Variants in C2orf15 observed in about 807,000 individuals in gnomAD.
The protein encoded by C2orf15 is chromosome 2 open reading frame 15.
C2orf15 carries 3 observed loss-of-function variants against 4.4 expected under a neutral mutation model. That is an observed-to-expected ratio of 0.67 (90% CI 0.31 to 1.74). C2orf15 has a LOEUF of 1.74. Ranked by LOEUF, C2orf15 falls within the 40% of genes most tolerant of loss-of-function variation. The probability of loss-of-function intolerance (pLI) is 0.09; values close to 1 mark genes in which losing one functional copy is unlikely to be tolerated. For synonymous variants in C2orf15, 37 were observed against 36.8 expected, an observed-to-expected ratio of 1.00 and a Z score of -0.02; for missense variants, 90 against 103.3, an observed-to-expected ratio of 0.87 and a Z score of 0.56.
Position 99,150,689 on chromosome 2 carries a change from C to T in C2orf15, c.131C>T (p.Thr44Ile). 1 of 1,613,864 alleles carries T rather than the reference C, an allele frequency of 6.2e-7. No homozygotes were observed. Among genetic ancestry groups the T allele is most frequent in the Non-Finnish European group, 8.5e-7 (1 of 1,179,940 alleles). ...CCAGCGACTCAGTTATTTCAAAACA[C>T]CAAGAAAATAAGATTAGAAGACACA... Reference protein sequence around the residue: ...LEPATQLFQNTKKIRLEDTNQ... With the variant: ...LEPATQLFQNIKKIRLEDTNQ... The change falls in exon 4 of 4, where the codon ACC becomes ATC. Residue 44 changes from threonine to isoleucine, a missense_variant. Physicochemically the swap from Thr to Ile is moderately conservative, Grantham distance 89 (BLOSUM62 -1). Transcript: ENST00000650052.
chr2:99,143,507 T>C (rs1298203276), intron 2 of C2orf15, among the ~76,000 whole-genome samples: 1 of 148,636 alleles, frequency 6.7e-6, no homozygotes, highest in Non-Finnish European at 1.5e-5. Context: ...TCTGTTGCCC[T>C]GTACCCAGGC....
rs35395900 is a variant in C2orf15 at position 99,149,442 on chromosome 2, C to CTT, written c.-76-1024_-76-1023dup. On this transcript the variant is annotated intron_variant, in intron 3 of 3. Coordinates refer to ENST00000650052, the MANE Select transcript of C2orf15 (RefSeq NM_144706.4). ...GCCTCCCTCCATGCTACATGATCAT[C>CTT]TTTTTTTTTTTTTTTTTTAAGACGG... Among the ~76,000 whole-genome samples the CTT allele has an allele frequency of 1.7e-3, 224 of 132,790 alleles. 2 individuals carry two copies. Among genetic ancestry groups the CTT allele is most frequent in the Middle Eastern group, 8.3e-3 (2 of 242 alleles). The allele number at this position is 132,790 out of a possible 152,430, so 87.1% of individuals were successfully genotyped here. A position where few individuals can be genotyped will look rare whatever the true frequency, so the allele number is the denominator to read the frequency against.
chr2:99,150,511 C>T lies in C2orf15; in HGVS notation c.-48C>T, dbSNP rs1574778359. The T allele has an allele frequency of 1.3e-6, 2 of 1,572,286 alleles. No homozygotes were observed. Among genetic ancestry groups the T allele is most frequent in the Non-Finnish European group, 1.7e-6 (2 of 1,160,072 alleles). On this transcript the variant is annotated 5_prime_UTR_variant, in exon 4 of 4. Coordinates refer to ENST00000650052, the MANE Select transcript of C2orf15 (RefSeq NM_144706.4). ...TCAAGTTGAAGAAACACTTCCACTA[C>T]TTAAAAAGGTACCTGCAAATTACTT...
rs977390258 is a variant in C2orf15, at chr2:99,142,409, C to T, written c.-169+8C>T. On this transcript the variant is annotated splice_region_variant and intron_variant, in intron 2 of 3. Coordinates refer to ENST00000650052, the MANE Select transcript of C2orf15 (RefSeq NM_144706.4). ...AATTCCTGTTTTCGCCAGGTGAGTA[C>T]TCATTTTTCCCCCCACAAGATATCA... 5 of 152,292 alleles carry T rather than the reference C, an allele frequency of 3.3e-5. No individual in the cohort carries two copies. In the East Asian group the frequency reaches 5.8e-4, roughly 18 times the overall value. The allele number at this position is 152,292 out of a possible 1,614,324, so 9.4% of individuals were successfully genotyped here.
In C2orf15 at chr2:99,147,498, G is replaced by T. The variant is rs746304487; in HGVS notation, c.-77+5G>T. 1 of 1,613,772 alleles carries T rather than the reference G, an allele frequency of 6.2e-7. No individual in the cohort carries two copies. The highest frequency in any genetic ancestry group is 8.5e-7 in the Non-Finnish European group (1 of 1,179,714). ...CTCAACTCTGGGGAAGTTAAGGTAA[G>T]ACTCACAGGGCCAAGTCTACCCTAT... On this transcript the variant is annotated splice_donor_5th_base_variant and intron_variant, in intron 3 of 3. Transcript: ENST00000650052.
intron 2 of C2orf15, among the ~76,000 whole-genome samples, chr2:99,145,113 A>G (rs574111358): frequency 6.6e-6 from 1 of 152,162 alleles, no homozygotes; most frequent in African/African-American, 2.4e-5. Context: ...GCTCTAGGGG[A>G]AAATCCCCTT....
At chr2:99,142,653 G>A (rs2093581747) in intron 2 of C2orf15, among the ~76,000 whole-genome samples, 1 of 152,096 alleles carries the variant, frequency 6.6e-6, no homozygotes, top group South Asian at 2.1e-4. Context: ...GAGGACACAA[G>A]GAGCACATAT....
Position 99,150,478 on chromosome 2 carries a change from T to C in C2orf15, c.-76-5T>C, listed in dbSNP as rs79594465. On this transcript the variant is annotated splice_region_variant and splice_polypyrimidine_tract_variant and intron_variant, in intron 3 of 3. Transcript: ENST00000650052. ...TTCACTTGTTACTTTTTTTTTTTTT[T>C]TCAGTAATCAAGTTGAAGAAACACT... 31 of 1,484,374 alleles carry C rather than the reference T, an allele frequency of 2.1e-5. 1 individual carries two copies. The African/African-American group carries it at 2.8e-4, about 14-fold the overall frequency. 92.0% of individuals were successfully genotyped at this position (1,484,374 alleles called of 1,614,324 possible).
intron 2 of C2orf15, 188 bp from the exon 3 acceptor site, chr2:99,147,214 T>C (rs1363162731): frequency 9.2e-6 from 4 of 432,532 alleles, no homozygotes; most frequent in African/African-American, 2.0e-5. Flanking sequence ...TTGCCCAGGC[T>C]GGTCTCAAAC....
chr2:99,146,427 TTATC>T lies in C2orf15; in HGVS notation c.-168-969_-168-966del, dbSNP rs1392650408. Among the ~76,000 whole-genome samples the T allele has an allele frequency of 3.3e-5, 5 of 152,322 alleles. No homozygotes were observed. In the East Asian group the frequency reaches 9.6e-4, roughly 29 times the overall value. ...ACAGAAAATATCTCCTTCCAGTCTC[TTATC>T]TATCTTTTTGTTTATATTTTTTTCA... On this transcript the variant is annotated intron_variant, in intron 2 of 3. Coordinates refer to ENST00000650052, the MANE Select transcript of C2orf15 (RefSeq NM_144706.4).
intron 3 of C2orf15, among the ~76,000 whole-genome samples, chr2:99,149,823 G>A (rs1199356229): frequency 8.3e-6 from 1 of 119,908 alleles, no homozygotes; most frequent in Non-Finnish European, 1.6e-5. Flanking sequence ...ACAGAGTCTC[G>A]CTCTTGTCGC....
intron 3 of C2orf15, among the ~76,000 whole-genome samples, chr2:99,149,169 CAA>C (rs35343264): frequency 4.9e-5 from 6 of 123,200 alleles, no homozygotes; most frequent in Non-Finnish European, 3.3e-5. Context: ...AACTCCATCT[CAA>C]AAAAAAAAAA....
intron 2 of C2orf15, among the ~76,000 whole-genome samples, chr2:99,144,230 C>T (rs1333191355): frequency 6.6e-6 from 1 of 151,860 alleles, no homozygotes; most frequent in Non-Finnish European, 1.5e-5. Flanking sequence ...ACTGTGTTAG[C>T]CAGGATGATC....
In C2orf15 at chr2:99,150,669, G is replaced by A. The variant is rs778098003; in HGVS notation, c.111G>A (p.Ala37=). 9.9e-6 allele frequency: 16 copies of A among 1,613,848 alleles called. No homozygotes were observed. The highest frequency in any genetic ancestry group is 1.6e-4 in the Middle Eastern group (1 of 6,082). ...RGTEKSRLEP[A]TQLFQNTKKI... is the part of the protein sequence containing the mutation. Reference sequence around the variant, plus strand: ...CTGAAAAAAGCAGGTTGGAACCAGCGACTCAGTTATTTCAAAACACCAAGA... The same window carrying A: ...CTGAAAAAAGCAGGTTGGAACCAGCAACTCAGTTATTTCAAAACACCAAGA... Residue 37 remains alanine, a synonymous_variant, in exon 4 of 4, where the codon GCG becomes GCA. Coordinates refer to ENST00000650052, the MANE Select transcript of C2orf15 (RefSeq NM_144706.4).
chr2:99,147,607 T>C, intron 3 of C2orf15, 114 bp downstream of exon 3: 1 of 913,446 alleles, frequency 1.1e-6, no homozygotes, highest in East Asian at 2.5e-5. Context: ...TCTTTTACGT[T>C]TGTTGATTTC....
intron 2 of C2orf15, among the ~76,000 whole-genome samples, chr2:99,143,072 A>C (rs1025246191): frequency 6.6e-6 from 1 of 150,964 alleles, no homozygotes; most frequent in Admixed American, 6.6e-5. Context: ...GAAAGTAAAA[A>C]TTTCCTTCCC....
chr2:99,146,025 G>A (rs2105134194), intron 2 of C2orf15, among the ~76,000 whole-genome samples: 1 of 152,254 alleles, frequency 6.6e-6, no homozygotes, highest in East Asian at 1.9e-4. Context: ...GGCTCATGCT[G>A]TAATCCAAGC....
Position 99,150,705 on chromosome 2 carries a change from A to G in C2orf15, c.147A>G (p.Leu49=), listed in dbSNP as rs2093684850. The change falls in exon 4 of 4, where the codon TTA becomes TTG. Residue 49 remains leucine (L), a synonymous_variant. Transcript: ENST00000650052. ...TTCAAAACACCAAGAAAATAAGATT[A>G]GAAGACACAAATCAAGAAAACTTTA... is the stretch of plus-strand genomic sequence containing the variant. The part of the protein sequence containing the change: ...QLFQNTKKIR[L]EDTNQENFTR... 6.2e-7 allele frequency: 1 copy of G among 1,614,006 alleles called. No individual in the cohort carries two copies. The highest frequency in any genetic ancestry group is 1.3e-5 in the African/African-American group (1 of 74,936).
At position 99,151,030 on chromosome 2, in the gene C2orf15, A is replaced by G. The variant is rs2093688485; in HGVS notation, c.*196A>G. 3 of 441,048 alleles carry G rather than the reference A, an allele frequency of 6.8e-6. No individual in the cohort carries two copies. The highest frequency in any genetic ancestry group is 1.2e-5 in the Non-Finnish European group (3 of 245,914). The allele number at this position is 441,048 out of a possible 1,614,324, so 27.3% of individuals were successfully genotyped here. On this transcript the variant is annotated 3_prime_UTR_variant, in exon 4 of 4. Coordinates refer to ENST00000650052, the MANE Select transcript of C2orf15 (RefSeq NM_144706.4). ...AAAAGGCAGTTGCTTTAGGGTGAAA[A>G]AGCCTTCCAAGATTCAAAGCAGATT...
Sources: allele counts gnomAD v4.1 joint callset (sites outside exome capture counted in the v4.1 genomes callset), GRCh38; gene constraint gnomAD v4.1.1; transcripts MANE v1.5; gene names NCBI Gene and HGNC (gene_info 2026-07-23, HGNC 2026-07-21).